Variants in STX8 observed in about 807,000 individuals in gnomAD.
STX8 encodes the protein syntaxin 8, also known as syntaxin-8.
In STX8, 23 loss-of-function variants were observed where a neutral mutation model predicts 37.5. The observed-to-expected ratio is 0.61, with a 90% CI of 0.44 to 0.87. STX8 has a LOEUF of 0.87. STX8 is among the 40% of genes least tolerant of loss of function. The pLI, the probability that STX8 is intolerant of heterozygous loss-of-function variation, is 0.00. For synonymous variants in STX8, 115 were observed against 99.1 expected, an observed-to-expected ratio of 1.16 and a Z score of -0.95; for missense variants, 313 against 284.7, an observed-to-expected ratio of 1.10 and a Z score of -0.71.
At chr17:9,554,243 G>C (rs1395047979) in intron 3 of STX8, 1 of 152,298 alleles carries the variant, frequency 6.6e-6, no homozygotes, top group East Asian at 1.9e-4. Context: ...CTGGGTGACA[G>C]AGCGAGACTC....
chr17:9,265,368 G>A lies in STX8; in HGVS notation c.644-14723C>T, dbSNP rs571090910. ...ACACTCTGGATGGGGCACGCTAGTCGCTTAGAGCCTTCCCACTGGGGATCC... is the reference window on the plus strand; with the variant it reads ...ACACTCTGGATGGGGCACGCTAGTCACTTAGAGCCTTCCCACTGGGGATCC... On this transcript the variant is annotated intron_variant, in intron 7 of 7. Coordinates refer to ENST00000306357, the MANE Select transcript of STX8 (RefSeq NM_004853.3). Among the ~76,000 whole-genome samples the A allele has an allele frequency of 2.6e-5, 4 of 152,322 alleles. No individual in the cohort carries two copies. In the East Asian group the frequency reaches 5.8e-4, roughly 22 times the overall value.
At chr17:9,390,836 C>CAAAAAAA (rs34205577) in intron 6 of STX8, among the ~76,000 whole-genome samples, 5 of 93,490 alleles carry the variant, frequency 5.3e-5, no homozygotes, top group African/African-American at 1.3e-4. Flanking sequence ...GACTCCGTCT[C>CAAAAAAA]AAAAAAAAAA....
intron 7 of STX8, among the ~76,000 whole-genome samples, chr17:9,304,929 G>GTATATA (rs373766283): frequency 2.1e-5 from 2 of 96,214 alleles, no homozygotes; most frequent in South Asian, 2.7e-4. Flanking sequence ...AAAAAAATAT[G>GTATATA]TATATATATA....
At chr17:9,543,762 C>T (rs1468987680) in intron 4 of STX8, among the ~76,000 whole-genome samples, 1 of 152,198 alleles carries the variant, frequency 6.6e-6, no homozygotes, top group African/African-American at 2.4e-5. Context: ...GCACAGGCTT[C>T]TATCTTCATT....
intron 6 of STX8, among the ~76,000 whole-genome samples, chr17:9,480,627 A>C (rs1178132534): frequency 6.6e-6 from 1 of 152,186 alleles, no homozygotes; most frequent in Non-Finnish European, 1.5e-5. Context: ...ATGACCTCAT[A>C]AACTCATTCT....
chr17:9,336,753 G>A (rs1216417185), intron 7 of STX8, among the ~76,000 whole-genome samples: 2 of 152,046 alleles, frequency 1.3e-5, no homozygotes, highest in East Asian at 1.9e-4. Context: ...TTTCTAACTG[G>A]GTATTTAGAG....
chr17:9,450,549 C>G (rs937568070), intron 6 of STX8, among the ~76,000 whole-genome samples: 1 of 151,958 alleles, frequency 6.6e-6, no homozygotes, highest in Non-Finnish European at 1.5e-5. Flanking sequence ...ATCCTCCAGC[C>G]TCAGCCTCCC....
intron 7 of STX8, among the ~76,000 whole-genome samples, chr17:9,290,940 C>T (rs555615889): frequency 2.6e-5 from 4 of 152,170 alleles, no homozygotes; most frequent in Non-Finnish European, 5.9e-5. Flanking sequence ...TTCCGCACTA[C>T]CTAAGGTCAG....
intron 7 of STX8, among the ~76,000 whole-genome samples, chr17:9,331,784 C>G (rs542462066): frequency 8.5e-5 from 13 of 152,300 alleles, no homozygotes; most frequent in East Asian, 1.9e-4. Context: ...CTCCCTCCCC[C>G]CTCTCTGCCT....
intron 6 of STX8, among the ~76,000 whole-genome samples, chr17:9,483,019 T>G (rs1231540537): frequency 6.6e-6 from 1 of 152,144 alleles, no homozygotes; most frequent in Non-Finnish European, 1.5e-5. Flanking sequence ...TAACCTCAAT[T>G]CAATGACAAT....
chr17:9,374,081 A>G (rs1228171379), intron 7 of STX8, among the ~76,000 whole-genome samples: 1 of 147,708 alleles, frequency 6.8e-6, no homozygotes, highest in African/African-American at 2.7e-5. Context: ...ATTTTACCAC[A>G]ATTAATTTTT....
chr17:9,428,874 A>C (rs1385963785), intron 6 of STX8, among the ~76,000 whole-genome samples: 2 of 152,170 alleles, frequency 1.3e-5, no homozygotes, highest in Non-Finnish European at 2.9e-5. Flanking sequence ...TGTGGCTACT[A>C]TAGTGGACAA....
chr17:9,251,071 T>C (rs1906558623), intron 7 of STX8, among the ~76,000 whole-genome samples: 1 of 152,246 alleles, frequency 6.6e-6, no homozygotes, highest in East Asian at 1.9e-4. Context: ...TCCACATGGC[T>C]TCACTTTGTG....
intron 7 of STX8, among the ~76,000 whole-genome samples, chr17:9,260,405 CCT>C (rs1283661599): frequency 1.3e-5 from 2 of 152,138 alleles, no homozygotes; most frequent in African/African-American, 4.8e-5. Flanking sequence ...GGGCGGATCC[CCT>C]GAGGCCGGGA....
At chr17:9,444,897 G>A (rs1033286428) in intron 6 of STX8, among the ~76,000 whole-genome samples, 1 of 152,120 alleles carries the variant, frequency 6.6e-6, no homozygotes, top group East Asian at 1.9e-4. Flanking sequence ...GTTACAGAGG[G>A]GTCCAGCTCA....
chr17:9,302,783 A>T (rs181777918), intron 7 of STX8, among the ~76,000 whole-genome samples: 219 of 152,226 alleles, frequency 1.4e-3, no homozygotes, highest in African/African-American at 5.1e-3. Context: ...AAGTCAGATC[A>T]GTTGTTTCCA....
intron 7 of STX8, among the ~76,000 whole-genome samples, chr17:9,348,417 CA>C (rs1190839413): frequency 0.77 from 76,578 of 99,132 alleles, 28,854 homozygotes; most frequent in South Asian, 0.86. Flanking sequence ...GACTCTGTCT[CA>C]AAAAAAAAAA....
At chr17:9,515,986 A>C (rs901838177) in intron 4 of STX8, among the ~76,000 whole-genome samples, 1 of 151,974 alleles carries the variant, frequency 6.6e-6, no homozygotes, top group South Asian at 2.1e-4. Flanking sequence ...GCCTATCCCA[A>C]CTCTCATATC....
intron 7 of STX8, among the ~76,000 whole-genome samples, chr17:9,357,927 C>G (rs1373543434): frequency 6.6e-6 from 1 of 152,138 alleles, no homozygotes; most frequent in Non-Finnish European, 1.5e-5. Context: ...GAATAAGTAG[C>G]TAAGTGCACA....
Sources: allele counts gnomAD v4.1 joint callset (sites outside exome capture counted in the v4.1 genomes callset), GRCh38; gene constraint gnomAD v4.1.1; transcripts MANE v1.5; gene names NCBI Gene and HGNC (gene_info 2026-07-23, HGNC 2026-07-21).